Variants in SH3RF1 observed in about 807,000 individuals in gnomAD.
SH3RF1 encodes E3 ubiquitin-protein ligase SH3RF1.
In SH3RF1, 32 loss-of-function variants were observed where a neutral mutation model predicts 74.0. The ratio of observed to expected loss-of-function variants is 0.43; its 90% confidence interval spans 0.33 to 0.58. The LOEUF is 0.58. SH3RF1 is among the 20% of genes least tolerant of loss of function. The pLI, the probability that SH3RF1 is intolerant of heterozygous loss-of-function variation, is 0.05. For missense variants in SH3RF1, 954 were observed against 1,130.9 expected, an observed-to-expected ratio of 0.84 and a Z score of 2.24; for synonymous variants, 396 against 439.6, an observed-to-expected ratio of 0.90 and a Z score of 1.24.
At chr4:169,236,820 G>C (rs761829524) in intron 2 of SH3RF1, among the ~76,000 whole-genome samples, 31 of 152,102 alleles carry the variant, frequency 2.0e-4, no homozygotes, top group Non-Finnish European at 4.0e-4. Flanking sequence ...TGCTACATAT[G>C]TAGGCTCAAA....
chr4:169,250,810 G>A (rs1187708140), intron 2 of SH3RF1, among the ~76,000 whole-genome samples: 2 of 151,000 alleles, frequency 1.3e-5, no homozygotes, highest in Non-Finnish European at 2.9e-5. Context: ...TGAGGGGTGG[G>A]GCTTTTTTGG....
intron 2 of SH3RF1, among the ~76,000 whole-genome samples, chr4:169,205,440 T>G (rs914508473): frequency 6.6e-6 from 1 of 152,200 alleles, no homozygotes; most frequent in Non-Finnish European, 1.5e-5. Context: ...CCAAGTGCTA[T>G]CTCTTTTATA....
At position 169,269,218 on chromosome 4, in the gene SH3RF1, T is replaced by C. The variant is rs1458490400; in HGVS notation, c.-6A>G. 6.4e-7 allele frequency: 1 copy of C among 1,558,036 alleles called. No homozygotes were observed. Among genetic ancestry groups the C allele is most frequent in the Middle Eastern group, 1.7e-4 (1 of 5,856 alleles). On this transcript the variant is annotated 5_prime_UTR_variant, in exon 2 of 12. Coordinates refer to ENST00000284637, the MANE Select transcript of SH3RF1 (RefSeq NM_020870.4). Reference sequence around the variant, plus strand: ...AACAAGGCTGATTCATCCATCTTTATCTACTTTACTGAGAAAAAATCTTCA... The same window carrying C: ...AACAAGGCTGATTCATCCATCTTTACCTACTTTACTGAGAAAAAATCTTCA...
At position 169,150,628 on chromosome 4, in the gene SH3RF1, C is replaced by T. The variant is rs184412215; in HGVS notation, c.765+4852G>A. On this transcript the variant is annotated intron_variant, in intron 4 of 11. Coordinates refer to ENST00000284637, the MANE Select transcript of SH3RF1 (RefSeq NM_020870.4). ...TTTTATATCCTTTGACCTACGCTAC[C>T]CCCAGGGGGGTCTTCTCTACAAAGC... Among the ~76,000 whole-genome samples, 14 of 152,216 alleles carry T rather than the reference C, an allele frequency of 9.2e-5. No homozygotes were observed. The East Asian group carries it at 2.5e-3, about 27-fold the overall frequency.
chr4:169,176,685 C>T (rs1734426701), intron 2 of SH3RF1, among the ~76,000 whole-genome samples: 1 of 151,998 alleles, frequency 6.6e-6, no homozygotes, highest in Non-Finnish European at 1.5e-5. Flanking sequence ...AGATTACAGG[C>T]ATGCACCACC....
intron 5 of SH3RF1, among the ~76,000 whole-genome samples, chr4:169,133,257 C>T (rs1733646864): frequency 6.6e-6 from 1 of 152,160 alleles, no homozygotes; most frequent in Admixed American, 6.5e-5. Flanking sequence ...CATTTTTAAG[C>T]CCCTTACTTT....
intron 2 of SH3RF1, among the ~76,000 whole-genome samples, chr4:169,190,186 A>T (rs1032419841): frequency 2.0e-5 from 3 of 152,108 alleles, no homozygotes; most frequent in Non-Finnish European, 4.4e-5. Flanking sequence ...AACAAACCAA[A>T]CCTGAACCCA....
chr4:169,167,488 C>T (rs993918601), intron 2 of SH3RF1, among the ~76,000 whole-genome samples: 1 of 152,048 alleles, frequency 6.6e-6, no homozygotes, highest in Non-Finnish European at 1.5e-5. Context: ...CAGATTTGTA[C>T]AAAAATGCAC....
At chr4:169,147,598 T>C (rs1317044000) in intron 4 of SH3RF1, among the ~76,000 whole-genome samples, 3 of 152,192 alleles carry the variant, frequency 2.0e-5, no homozygotes, top group Non-Finnish European at 4.4e-5. Context: ...TCTCAACATA[T>C]GGAGGAATTT....
At chr4:169,171,471 A>G (rs1734326880) in intron 2 of SH3RF1, among the ~76,000 whole-genome samples, 2 of 152,236 alleles carry the variant, frequency 1.3e-5, no homozygotes, top group Admixed American at 6.5e-5. Flanking sequence ...AACTCCAAAG[A>G]TAAGTGAAAA....
At chr4:169,121,492 A>G (rs1733434796) in intron 7 of SH3RF1, among the ~76,000 whole-genome samples, 1 of 152,152 alleles carries the variant, frequency 6.6e-6, no homozygotes, top group South Asian at 2.1e-4. Context: ...AAAAAGACTG[A>G]ATTTGAAAAA....
chr4:169,139,834 A>C (rs1033316123), intron 4 of SH3RF1, among the ~76,000 whole-genome samples: 5 of 152,200 alleles, frequency 3.3e-5, no homozygotes, highest in Admixed American at 2.0e-4. Context: ...GAGCCATCTT[A>C]CCTCTATTGT....
intron 11 of SH3RF1, 56 bp from the exon 12 acceptor site, chr4:169,096,743 G>A (rs192181228): frequency 1.3e-6 from 2 of 1,533,878 alleles, no homozygotes; most frequent in East Asian, 2.3e-5. Context: ...TTTAAAAAAT[G>A]GTGTACTGTT....
At chr4:169,160,609 C>T (rs190730642) in intron 2 of SH3RF1, among the ~76,000 whole-genome samples, 3 of 152,294 alleles carry the variant, frequency 2.0e-5, no homozygotes, top group Admixed American at 6.5e-5. Context: ...AACATTTGTG[C>T]ATCTGGCTGT....
intron 2 of SH3RF1, among the ~76,000 whole-genome samples, chr4:169,264,766 G>A (rs1731327625): frequency 6.6e-6 from 1 of 152,028 alleles, no homozygotes; most frequent in African/African-American, 2.4e-5. Context: ...GTGGCCCTTG[G>A]GGCAGTTCTT....
intron 2 of SH3RF1, among the ~76,000 whole-genome samples, chr4:169,181,257 C>CTTTTT (rs397878328): frequency 1.8e-4 from 19 of 103,372 alleles, no homozygotes; most frequent in African/African-American, 4.1e-4. Context: ...TTGGGAAAGC[C>CTTTTT]TTTTTTTTTT....
At chr4:169,186,609 C>T (rs1425626272) in intron 2 of SH3RF1, among the ~76,000 whole-genome samples, 1 of 151,122 alleles carries the variant, frequency 6.6e-6, no homozygotes, top group African/African-American at 2.4e-5. Context: ...AACATTTTGA[C>T]TATTAAAAGT....
chr4:169,223,467 G>A (rs949276662), intron 2 of SH3RF1, among the ~76,000 whole-genome samples: 1 of 152,130 alleles, frequency 6.6e-6, no homozygotes, highest in Non-Finnish European at 1.5e-5. Context: ...AAAAGAGAGG[G>A]AAACCAGAGC....
chr4:169,109,190 A>T (rs934368746), intron 10 of SH3RF1, among the ~76,000 whole-genome samples: 2 of 152,222 alleles, frequency 1.3e-5, no homozygotes, highest in Non-Finnish European at 2.9e-5. Flanking sequence ...AGCACACACT[A>T]GTCCACGGAC....
Sources: gnomAD v4.1 joint callset for allele counts (sites outside exome capture counted in the v4.1 genomes callset) on GRCh38, gnomAD v4.1.1 for gene constraint, MANE v1.5 for transcripts, NCBI Gene and HGNC (gene_info 2026-07-23, HGNC 2026-07-21) for gene names.